SPIRE1: variants seen among roughly 807,000 people sequenced by gnomAD.
SPIRE1 encodes the protein protein spire homolog 1.
SPIRE1 carries 40 observed loss-of-function variants against 94.1 expected under a neutral mutation model. The observed-to-expected ratio is 0.43, with a 90% CI of 0.33 to 0.55. The LOEUF is 0.55. SPIRE1 is among the 20% of genes least tolerant of loss of function. SPIRE1 has a pLI of 0.06. For missense variants in SPIRE1, 838 were observed against 975.2 expected (o/e 0.86, Z 1.87); for synonymous variants, 376 against 371.7 (o/e 1.01, Z -0.13).
chr18:12,542,014 C>T (rs1174472943), intron 3 of SPIRE1, among the ~76,000 whole-genome samples: 4 of 151,200 alleles, frequency 2.6e-5, no homozygotes, highest in African/African-American at 4.9e-5. Flanking sequence ...TCTCGCTCTG[C>T]TGCCCAGGCT....
chr18:12,658,348 G>A, upstream of SPIRE1: 1 of 426,048 alleles, frequency 2.3e-6, no homozygotes, highest in South Asian at 1.7e-5. Context: ...GCAATGGTGA[G>A]GGCGGCGACG....
At position 12,547,510 on chromosome 18, in the gene SPIRE1, C is replaced by T. The variant is rs536628604; in HGVS notation, c.373-606G>A. On this transcript the variant is annotated intron_variant, in intron 2 of 16. Coordinates refer to ENST00000409402, the MANE Select transcript of SPIRE1 (RefSeq NM_001128626.2). ...CCACTGTTGCATACCACCTCGACAA[C>T]TGCTCCAGACTTTGGCCAATACAGG... is the stretch of plus-strand genomic sequence containing the variant. Among the ~76,000 whole-genome samples the T allele has an allele frequency of 3.3e-5, 5 of 152,332 alleles. No homozygotes were observed. In the South Asian group the frequency reaches 1.0e-3, roughly 32 times the overall value.
At chr18:12,463,216 G>T in intron 12 of SPIRE1, 135 bp downstream of exon 12, 1 of 887,994 alleles carries the variant, frequency 1.1e-6, no homozygotes, top group Non-Finnish European at 1.6e-6. Flanking sequence ...GTTTTCTTTA[G>T]CTATTAAGTA....
chr18:12,473,110 T>C (rs2032426854), intron 10 of SPIRE1, among the ~76,000 whole-genome samples: 1 of 152,078 alleles, frequency 6.6e-6, no homozygotes, highest in African/African-American at 2.4e-5. Context: ...TTTGTAGAGA[T>C]GGGGGTCTTG....
At chr18:12,470,808 G>A (rs1040278604) in intron 10 of SPIRE1, among the ~76,000 whole-genome samples, 3 of 152,012 alleles carry the variant, frequency 2.0e-5, no homozygotes, top group African/African-American at 7.2e-5. Context: ...AAATCTGCTT[G>A]TGTTTTTTGT....
chr18:12,517,632 C>T (rs977831881), intron 4 of SPIRE1, among the ~76,000 whole-genome samples: 1 of 152,126 alleles, frequency 6.6e-6, no homozygotes, highest in Non-Finnish European at 1.5e-5. Context: ...ATGGCAATTA[C>T]GCTTCCCATT....
At chr18:12,520,130 A>T (rs1312966192) in intron 4 of SPIRE1, among the ~76,000 whole-genome samples, 1 of 152,224 alleles carries the variant, frequency 6.6e-6, no homozygotes, top group Non-Finnish European at 1.5e-5. Flanking sequence ...ATATGAAATG[A>T]TCTCTAAGAC....
At chr18:12,509,903 G>A (rs576485665) in intron 5 of SPIRE1, among the ~76,000 whole-genome samples, 75 of 152,094 alleles carry the variant, frequency 4.9e-4, no homozygotes, top group Admixed American at 1.4e-3. Context: ...TGACCAACAT[G>A]GTGAAACCCT....
intron 12 of SPIRE1, among the ~76,000 whole-genome samples, 167 bp downstream of exon 12, chr18:12,463,184 G>A (rs769936028): frequency 6.6e-6 from 1 of 152,214 alleles, no homozygotes; most frequent in Non-Finnish European, 1.5e-5. Flanking sequence ...TTATAGGCAC[G>A]AGCCACCACG....
chr18:12,636,525 A>C (rs2037933838), intron 1 of SPIRE1, among the ~76,000 whole-genome samples: 1 of 151,872 alleles, frequency 6.6e-6, no homozygotes, highest in African/African-American at 2.4e-5. Flanking sequence ...TTGAAAAAAA[A>C]ACAAAAATGA....
intron 2 of SPIRE1, among the ~76,000 whole-genome samples, chr18:12,602,334 T>C (rs370953583): frequency 1.3e-5 from 2 of 152,284 alleles, no homozygotes; most frequent in South Asian, 2.1e-4. Context: ...CTTGAGCCTT[T>C]TGGCACAAGA....
At chr18:12,626,301 T>C (rs1273369376) in intron 2 of SPIRE1, among the ~76,000 whole-genome samples, 1 of 152,158 alleles carries the variant, frequency 6.6e-6, no homozygotes, top group East Asian at 1.9e-4. Context: ...GAGACTATGA[T>C]GTATTTCTTG....
At chr18:12,554,348 T>G (rs2035441279) in intron 2 of SPIRE1, among the ~76,000 whole-genome samples, 1 of 150,602 alleles carries the variant, frequency 6.6e-6, no homozygotes, top group African/African-American at 2.4e-5. Context: ...AAAGGATTAT[T>G]AGTGTCTACT....
intron 1 of SPIRE1, among the ~76,000 whole-genome samples, chr18:12,648,047 G>A (rs1373352519): frequency 3.9e-5 from 6 of 152,044 alleles, no homozygotes; most frequent in Non-Finnish European, 8.8e-5. Context: ...AACAACCAAA[G>A]TACAAAATAC....
rs150743131 is a variant in SPIRE1 at position 12,646,155 on chromosome 18, T to C, written c.338-11059A>G. Among the ~76,000 whole-genome samples the C allele has an allele frequency of 6.4e-3, 980 of 152,176 alleles. 9 individuals are homozygous for C. The highest frequency in any genetic ancestry group is 0.025 in the South Asian group (119 of 4,820). On this transcript the variant is annotated intron_variant, in intron 1 of 16. Coordinates refer to ENST00000409402, the MANE Select transcript of SPIRE1 (RefSeq NM_001128626.2). Reference sequence around the variant, plus strand: ...GCTCTCTGAGTACCATATAACGTCCTCCACATCTCCAAGCCTTTCCACTTG... The same window carrying C: ...GCTCTCTGAGTACCATATAACGTCCCCCACATCTCCAAGCCTTTCCACTTG...
intron 1 of SPIRE1, chr18:12,656,668 T>G (rs757228523): frequency 6.7e-5 from 65 of 973,248 alleles, no homozygotes; most frequent in Non-Finnish European, 7.7e-5. Context: ...AAGAATGAAT[T>G]AGATAAAAAC....
In SPIRE1 at chr18:12,597,157, TACACACACACACACACACACACACACAC is replaced by T. The variant is rs58238813; in HGVS notation, c.372+37877_372+37904del. Among the ~76,000 whole-genome samples, 16 of 144,206 alleles carry T rather than the reference TACACACACACACACACACACACACACAC, an allele frequency of 1.1e-4. No individual in the cohort carries two copies. In the East Asian group the frequency reaches 1.8e-3, roughly 16 times the overall value. 94.6% of individuals were successfully genotyped at this position (144,206 alleles called of 152,430 possible). A position where few individuals can be genotyped will look rare whatever the true frequency, so the allele number is the denominator to read the frequency against. On this transcript the variant is annotated intron_variant, in intron 2 of 16. Coordinates refer to ENST00000409402, the MANE Select transcript of SPIRE1 (RefSeq NM_001128626.2). ...GCAACTTCCCTCTAGTGTCTCTTTCTACACACACACACACACACACACACACACACACACACACACACACACACAGAGG... is the reference window on the plus strand; with the variant it reads ...GCAACTTCCCTCTAGTGTCTCTTTCTACACACACACACACACACACAGAGG...
chr18:12,521,992 A>G (rs1392473334), intron 4 of SPIRE1, among the ~76,000 whole-genome samples: 1 of 152,184 alleles, frequency 6.6e-6, no homozygotes, highest in African/African-American at 2.4e-5. Context: ...AATTAGGCCA[A>G]TTAATAACCC....
intron 2 of SPIRE1, among the ~76,000 whole-genome samples, chr18:12,618,718 C>CA (rs1409766526): frequency 6.6e-6 from 1 of 152,046 alleles, no homozygotes; most frequent in Non-Finnish European, 1.5e-5. Context: ...TAAACACACA[C>CA]AAAAAAATAT....
Sources: allele counts gnomAD v4.1 joint callset (sites outside exome capture counted in the v4.1 genomes callset), GRCh38; gene constraint gnomAD v4.1.1; transcripts MANE v1.5; gene names NCBI Gene and HGNC (gene_info 2026-07-23, HGNC 2026-07-21).